The following LEPROTL1 variants were observed in gnomAD, a reference collection of about 807,000 sequenced individuals.
The protein encoded by LEPROTL1 is leptin receptor overlapping transcript like 1, also known as leptin receptor overlapping transcript-like 1.
Under a neutral mutation model 15.4 loss-of-function variants are expected in LEPROTL1, and 6 were observed. That is an observed-to-expected ratio of 0.39 (90% CI 0.21 to 0.77). LEPROTL1 has a LOEUF of 0.77. LEPROTL1 is among the 30% of genes least tolerant of loss of function. The pLI is 0.41. For synonymous variants in LEPROTL1, 56 were observed against 52.6 expected (o/e 1.06, Z -0.28); for missense variants, 128 against 158.1 (o/e 0.81, Z 1.02).
chr8:30,118,827 G>A (rs757816988), intron 3 of LEPROTL1, among the ~76,000 whole-genome samples: 1 of 152,192 alleles, frequency 6.6e-6, no homozygotes, highest in Non-Finnish European at 1.5e-5. Context: ...TCAAGGGAAG[G>A]TACTATGCCT....
chr8:30,096,230 G>T (rs1802363909), intron 1 of LEPROTL1: 1 of 924,080 alleles, frequency 1.1e-6, no homozygotes, highest in Non-Finnish European at 1.3e-6. Flanking sequence ...ATAAAATACT[G>T]GTACAACTTA....
rs1288488140 is a variant in LEPROTL1, at chr8:30,106,537, T to G, written c.*675T>G. The stretch of plus-strand genomic sequence containing the variant: ...GAATTGCTACAGAGGAGTGCTTTTC[T>G]TCTCAATTGTTAGAAGAATTTATGT... On this transcript the variant is annotated 3_prime_UTR_variant, in exon 4 of 4. Transcript: ENST00000321250. 2 of 985,380 alleles carry G rather than the reference T, an allele frequency of 2.0e-6. No homozygotes were observed. The highest frequency in any genetic ancestry group is 2.3e-4 in the East Asian group (2 of 8,830). The allele number at this position is 985,380 out of a possible 1,614,324, so 61.0% of individuals were successfully genotyped here.
chr8:30,117,687 C>T (rs1802762493), intron 3 of LEPROTL1: 4 of 1,462,540 alleles, frequency 2.7e-6, no homozygotes, highest in Non-Finnish European at 3.8e-6. Flanking sequence ...GACTTTGGAG[C>T]ACGGCCTAAT....
downstream of LEPROTL1, among the ~76,000 whole-genome samples, chr8:30,112,091 G>T (rs770034652): frequency 6.6e-6 from 1 of 152,124 alleles, no homozygotes; most frequent in Non-Finnish European, 1.5e-5. Flanking sequence ...AGGGAGAAAT[G>T]GAAAATAAAA....
intron 3 of LEPROTL1, among the ~76,000 whole-genome samples, chr8:30,121,847 TTC>T (rs1340234240): frequency 5.8e-4 from 73 of 124,986 alleles, no homozygotes; most frequent in African/African-American, 2.1e-3. Flanking sequence ...TTCCAGTGAT[TTC>T]TTTTTTGTTT....
In LEPROTL1 at chr8:30,107,780, G is replaced by C; in HGVS notation, c.*1918G>C. Reference sequence around the variant, plus strand: ...TTTTTTGCAGGAAGTGCATTCTCTGGTCCTTCCCTATTTTCTGTTCTGGAT... The same window carrying C: ...TTTTTTGCAGGAAGTGCATTCTCTGCTCCTTCCCTATTTTCTGTTCTGGAT... On this transcript the variant is annotated 3_prime_UTR_variant, in exon 4 of 4. Coordinates refer to ENST00000321250, the MANE Select transcript of LEPROTL1 (RefSeq NM_015344.3). The C allele has an allele frequency of 2.0e-6, 2 of 985,408 alleles. No individual in the cohort carries two copies. Among genetic ancestry groups the C allele is most frequent in the Non-Finnish European group, 2.4e-6 (2 of 829,926 alleles). The allele number at this position is 985,408 out of a possible 1,614,324, so 61.0% of individuals were successfully genotyped here. A position where few individuals can be genotyped will look rare whatever the true frequency, so the allele number is the denominator to read the frequency against.
chr8:30,129,348 A>C (rs959825995), intron 3 of LEPROTL1, among the ~76,000 whole-genome samples: 15 of 152,148 alleles, frequency 9.9e-5, no homozygotes, highest in African/African-American at 3.6e-4. Context: ...CTTCTAACTT[A>C]GTATTATCTT....
intron 3 of LEPROTL1, among the ~76,000 whole-genome samples, chr8:30,128,861 C>T (rs1802946651): frequency 6.6e-6 from 1 of 150,544 alleles, no homozygotes; most frequent in Admixed American, 6.7e-5. Flanking sequence ...TAGACAGCTC[C>T]CCAGAAGTGC....
chr8:30,129,770 A>C (rs1802967508), intron 3 of LEPROTL1, among the ~76,000 whole-genome samples: 1 of 151,292 alleles, frequency 6.6e-6, no homozygotes, highest in Non-Finnish European at 1.5e-5. Flanking sequence ...GAACTACCTG[A>C]GACTGGGTAA....
At chr8:30,125,451 A>G (rs1400610182) in intron 3 of LEPROTL1, among the ~76,000 whole-genome samples, 5 of 152,224 alleles carry the variant, frequency 3.3e-5, no homozygotes, top group Admixed American at 1.3e-4. Flanking sequence ...AAGGAATATA[A>G]TAGGAAATGC....
At chr8:30,122,181 A>AT (rs774460685) in intron 3 of LEPROTL1, among the ~76,000 whole-genome samples, 12 of 151,824 alleles carry the variant, frequency 7.9e-5, no homozygotes, top group South Asian at 4.2e-4. Context: ...AAAAAAAAAA[A>AT]TTAACTTTAG....
chr8:30,132,896 TG>T, intron 4 of LEPROTL1: 1 of 1,520,708 alleles, frequency 6.6e-7, no homozygotes, highest in Non-Finnish European at 8.8e-7. Context: ...GAAGAAAGAG[TG>T]ATGCAGAACC....
downstream of LEPROTL1, chr8:30,138,167 A>G (rs1053897362): frequency 2.3e-5 from 4 of 175,620 alleles, no homozygotes; most frequent in South Asian, 4.0e-4. Context: ...GCTCAGGGAA[A>G]CTGATTATGA....
At chr8:30,135,956 T>C (rs1803130592) in intron 4 of LEPROTL1, among the ~76,000 whole-genome samples, 2 of 150,758 alleles carry the variant, frequency 1.3e-5, no homozygotes, top group African/African-American at 2.4e-5. Flanking sequence ...TGACACACTC[T>C]ACAGTCAGAA....
downstream of LEPROTL1, chr8:30,138,305 C>T (rs141352331): frequency 7.4e-5 from 32 of 432,270 alleles, no homozygotes; most frequent in East Asian, 7.9e-4. Flanking sequence ...ACCCACTGGG[C>T]GGTTACACTA....
intron 1 of LEPROTL1, among the ~76,000 whole-genome samples, chr8:30,101,389 T>A (rs1042965212): frequency 7.2e-5 from 11 of 152,146 alleles, no homozygotes; most frequent in African/African-American, 2.7e-4. Flanking sequence ...TGTCACTGGC[T>A]GGATGTGGTG....
At chr8:30,113,288 CAAAG>C (rs960389700), downstream of LEPROTL1, among the ~76,000 whole-genome samples, 12 of 151,834 alleles carry the variant, frequency 7.9e-5, no homozygotes, top group African/African-American at 1.5e-4. Flanking sequence ...ACAAAACAAA[CAAAG>C]AACAGAGAAA....
At chr8:30,125,631 A>T (rs1428979386) in intron 3 of LEPROTL1, among the ~76,000 whole-genome samples, 1 of 152,216 alleles carries the variant, frequency 6.6e-6, no homozygotes, top group African/African-American at 2.4e-5. Context: ...CTTCAGTTTT[A>T]AAATTAAATA....
rs367600541 is a variant in LEPROTL1, at chr8:30,101,814, G to A, written c.17-84G>A. 5 of 813,962 alleles carry A rather than the reference G, an allele frequency of 6.1e-6. No homozygotes were observed. The African/African-American group carries it at 7.0e-5, about 11-fold the overall frequency. The allele number at this position is 813,962 out of a possible 1,614,324, so 50.4% of individuals were successfully genotyped here. A position where few individuals can be genotyped will look rare whatever the true frequency, so the allele number is the denominator to read the frequency against. ...CGTTTTAGGGATTTTTGCTTCTGAG[G>A]TTACAGATAATGTTCAGACTGCTGA... is the stretch of plus-strand genomic sequence containing the variant. On this transcript the variant is annotated intron_variant, in intron 1 of 3. Coordinates refer to ENST00000321250, the MANE Select transcript of LEPROTL1 (RefSeq NM_015344.3).
Sources: allele counts gnomAD v4.1 joint callset (sites outside exome capture counted in the v4.1 genomes callset), GRCh38; gene constraint gnomAD v4.1.1; transcripts MANE v1.5; gene names NCBI Gene and HGNC (gene_info 2026-07-23, HGNC 2026-07-21).